The following PPFIBP2 variants were observed in gnomAD, a reference collection of about 807,000 sequenced individuals.
The protein encoded by PPFIBP2 is PPFIB scaffold protein 2.
PPFIBP2 carries 118 observed loss-of-function variants against 118.3 expected under a neutral mutation model. That is an observed-to-expected ratio of 1.00 (90% confidence interval 0.86 to 1.16). PPFIBP2 has a LOEUF of 1.16. Among genes scored for constraint, PPFIBP2 ranks in the 50% most tolerant of loss-of-function variants. The pLI, the probability that PPFIBP2 is intolerant of heterozygous loss-of-function variation, is 0.00. For synonymous variants in PPFIBP2, 414 were observed against 397.4 expected (o/e 1.04, Z -0.50); for missense variants, 1,195 against 1,073.1 (o/e 1.11, Z -1.59).
chr11:7,646,887 C>G (rs1853158918), intron 17 of PPFIBP2, among the ~76,000 whole-genome samples: 1 of 151,890 alleles, frequency 6.6e-6, no homozygotes, highest in Non-Finnish European at 1.5e-5. Context: ...TTTTGCAAAA[C>G]TTGCAATTTT....
chr11:7,666,543 T>TC, the PPFIBP2 span: 2 of 1,612,522 alleles, frequency 1.2e-6, no homozygotes, highest in African/African-American at 2.7e-5. Context: ...CAAGATATCC[T>TC]CCTCTGTCTA....
Position 7,589,388 on chromosome 11 carries a change from T to C in PPFIBP2, c.280-3744T>C, listed in dbSNP as rs1590401110. Among the ~76,000 whole-genome samples the C allele has an allele frequency of 3.3e-5, 5 of 152,114 alleles. No homozygotes were observed. The South Asian group carries it at 1.0e-3, about 32-fold the overall frequency. ...GTGGGCAGATCACAAGGTCAAGAGA[T>C]TGAGACTATCCTGGCCAACGTGGTG... On this transcript the variant is annotated intron_variant, in intron 3 of 23. Transcript: ENST00000299492.
chr11:7,655,619 G>A (rs1329572632), downstream of PPFIBP2: 2 of 829,866 alleles, frequency 2.4e-6, no homozygotes, highest in Non-Finnish European at 3.5e-6. Flanking sequence ...CTTAGTGCTG[G>A]GGTCACAGCC....
the PPFIBP2 span, chr11:7,665,485 T>A: frequency 6.2e-7 from 1 of 1,613,942 alleles, no homozygotes; most frequent in East Asian, 2.2e-5. Flanking sequence ...TGGACTTCGC[T>A]GGAGGAGGAA....
the PPFIBP2 span, chr11:7,666,041 G>T: frequency 1.2e-6 from 1 of 808,932 alleles, no homozygotes; most frequent in Non-Finnish European, 2.0e-6. Flanking sequence ...TGCAGCAGCT[G>T]TCTGGGGGCT....
chr11:7,659,859 TTCACA>T (rs1045492573), downstream of PPFIBP2, among the ~76,000 whole-genome samples: 2 of 110,620 alleles, frequency 1.8e-5, no homozygotes, highest in African/African-American at 5.6e-5. Flanking sequence ...GAAGAGGTCC[TTCACA>T]TCCCTTGTAA....
the PPFIBP2 span, among the ~76,000 whole-genome samples, chr11:7,662,480 C>T: frequency 5.2e-4 from 79 of 151,958 alleles, no homozygotes; most frequent in Middle Eastern, 3.4e-3. Context: ...TTGGCCCCCA[C>T]TCTCTTCTGG....
intron 1 of PPFIBP2, among the ~76,000 whole-genome samples, chr11:7,526,771 G>A (rs1850273044): frequency 6.6e-6 from 1 of 152,090 alleles, no homozygotes; most frequent in African/African-American, 2.4e-5. Flanking sequence ...GTCGCAGGCT[G>A]AACATCCCAC....
downstream of PPFIBP2, among the ~76,000 whole-genome samples, chr11:7,657,480 CA>C (rs1197314850): frequency 1.3e-5 from 2 of 152,210 alleles, no homozygotes; most frequent in Non-Finnish European, 1.5e-5. Flanking sequence ...AGCTGACACA[CA>C]GCCTCCTCCC....
intron 2 of PPFIBP2, among the ~76,000 whole-genome samples, chr11:7,555,388 CA>C (rs1283545281): frequency 1.3e-5 from 2 of 152,174 alleles, no homozygotes; most frequent in African/African-American, 4.8e-5. Context: ...AAGAAAACAA[CA>C]AAAGATTGTG....
chr11:7,534,825 A>G (rs1002610513), intron 1 of PPFIBP2, among the ~76,000 whole-genome samples: 1 of 152,234 alleles, frequency 6.6e-6, no homozygotes, highest in Non-Finnish European at 1.5e-5. Flanking sequence ...AGTGGCCACA[A>G]CGCAAATGCC....
At position 7,628,152 on chromosome 11, in the gene PPFIBP2, C is replaced by T. The variant is rs79367325; in HGVS notation, c.827-133C>T. On this transcript the variant is annotated intron_variant, in intron 8 of 23. Coordinates refer to ENST00000299492, the MANE Select transcript of PPFIBP2 (RefSeq NM_003621.5). ...GCCGATTCTGTAGCAGACACCATCC[C>T]GGCCTCTTTAAAGAACTAAAGGAGC... 5,571 of 677,558 alleles carry T rather than the reference C, an allele frequency of 8.2e-3. 78 individuals carry two copies. The highest frequency in any genetic ancestry group is 0.048 in the African/African-American group (2,616 of 54,908). The allele number at this position is 677,558 out of a possible 1,614,324, so 42.0% of individuals were successfully genotyped here. A position where few individuals can be genotyped will look rare whatever the true frequency, so the allele number is the denominator to read the frequency against.
chr11:7,644,809 C>T (rs1443761251), intron 17 of PPFIBP2, among the ~76,000 whole-genome samples: 2 of 151,674 alleles, frequency 1.3e-5, no homozygotes, highest in African/African-American at 2.4e-5. Flanking sequence ...GGGCGGATCA[C>T]GAGGTCAGGA....
chr11:7,518,332 C>T (rs760871407), intron 1 of PPFIBP2, among the ~76,000 whole-genome samples: 7 of 152,110 alleles, frequency 4.6e-5, no homozygotes, highest in Non-Finnish European at 8.8e-5. Flanking sequence ...GCTTCAGTTA[C>T]ATGAGAGAGA....
intron 5 of PPFIBP2, among the ~76,000 whole-genome samples, chr11:7,603,948 T>C (rs1408581634): frequency 6.6e-6 from 1 of 152,126 alleles, no homozygotes; most frequent in African/African-American, 2.4e-5. Flanking sequence ...CTTTGCCCCT[T>C]ATCCTCAGCT....
At chr11:7,620,621 G>A (rs1015109978) in intron 6 of PPFIBP2, among the ~76,000 whole-genome samples, 2 of 152,060 alleles carry the variant, frequency 1.3e-5, no homozygotes, top group African/African-American at 4.8e-5. Flanking sequence ...CCGAAGCCTC[G>A]CCTGCCTGCC....
intron 6 of PPFIBP2, 149 bp from the exon 7 acceptor site, chr11:7,620,786 C>T (rs2135612607): frequency 1.5e-6 from 1 of 647,082 alleles, no homozygotes; most frequent in East Asian, 2.6e-5. Flanking sequence ...TACAGCTTTC[C>T]TGAAACAAGG....
At chr11:7,534,809 T>C (rs1303987958) in intron 1 of PPFIBP2, among the ~76,000 whole-genome samples, 1 of 152,204 alleles carries the variant, frequency 6.6e-6, no homozygotes, top group African/African-American at 2.4e-5. Flanking sequence ...CTGGCAGGCA[T>C]TGTGCAGTGG....
intron 5 of PPFIBP2, among the ~76,000 whole-genome samples, chr11:7,609,047 C>A (rs937137072): frequency 8.5e-5 from 13 of 152,204 alleles, no homozygotes; most frequent in African/African-American, 2.9e-4. Flanking sequence ...AGATACCCAT[C>A]CCCTCAGACT....
Sources: gnomAD v4.1 joint callset for allele counts (sites outside exome capture counted in the v4.1 genomes callset) on GRCh38, gnomAD v4.1.1 for gene constraint, MANE v1.5 for transcripts, NCBI Gene and HGNC (gene_info 2026-07-23, HGNC 2026-07-21) for gene names.